Variants in NME5 observed in about 807,000 individuals in gnomAD.
The protein encoded by NME5 is NME/NM23 family member 5.
NME5 carries 18 observed loss-of-function variants against 21.6 expected under a neutral mutation model. The observed-to-expected ratio is 0.83, with a 90% CI of 0.58 to 1.24. The LOEUF (loss-of-function observed/expected upper bound fraction) is 1.24, where lower values mean the gene tolerates loss of function less well. Ranked by LOEUF, NME5 falls within the 50% of genes most tolerant of loss-of-function variation. NME5 has a pLI of 0.00. For missense variants in NME5, 223 were observed against 255.4 expected (o/e 0.87, Z 0.86); for synonymous variants, 70 against 80.6 (o/e 0.87, Z 0.71).
intron 2 of NME5, among the ~76,000 whole-genome samples, chr5:138,132,169 G>A (rs965973242): frequency 3.9e-5 from 6 of 152,150 alleles, no homozygotes; most frequent in African/African-American, 1.4e-4. Flanking sequence ...ACACCAGCCT[G>A]GGCCACACGC....
chr5:138,120,135 A>G (rs2151158576), intron 4 of NME5, among the ~76,000 whole-genome samples: 3 of 147,982 alleles, frequency 2.0e-5, no homozygotes, highest in Middle Eastern at 7.2e-3. Flanking sequence ...ACAGGGTGTC[A>G]CTCACGCTGG....
chr5:138,128,077 A>G (rs1404121566), intron 4 of NME5, among the ~76,000 whole-genome samples: 4 of 152,274 alleles, frequency 2.6e-5, no homozygotes, highest in South Asian at 2.1e-4. Context: ...TTAGCTGGGC[A>G]TGGTGGCATG....
intron 5 of NME5, among the ~76,000 whole-genome samples, chr5:138,117,853 TTC>T (rs1345931635): frequency 6.6e-6 from 1 of 151,498 alleles, no homozygotes; most frequent in African/African-American, 2.4e-5. Flanking sequence ...CGTGGTGGTG[TTC>T]GCCTGTAAAT....
intron 2 of NME5, among the ~76,000 whole-genome samples, chr5:138,133,139 C>T (rs1751611763): frequency 6.6e-6 from 1 of 150,462 alleles, no homozygotes; most frequent in African/African-American, 2.4e-5. Context: ...CTCACTCTGT[C>T]CTCCAGGCTT....
chr5:138,122,680 A>T (rs1051944269), intron 4 of NME5, among the ~76,000 whole-genome samples: 6 of 131,482 alleles, frequency 4.6e-5, no homozygotes, highest in African/African-American at 8.3e-5. Flanking sequence ...AATTTTTTTA[A>T]TTTTTTTTTT....
intron 2 of NME5, among the ~76,000 whole-genome samples, chr5:138,130,746 G>C (rs970025461): frequency 9.2e-5 from 14 of 151,552 alleles, no homozygotes; most frequent in Admixed American, 7.9e-4. Flanking sequence ...TGAACATGGT[G>C]AAATCTCGTC....
chr5:138,122,469 A>AAAAAAAAAAAAAAAAAAAT (rs1751308423), intron 4 of NME5, among the ~76,000 whole-genome samples: 2 of 132,048 alleles, frequency 1.5e-5, no homozygotes, highest in South Asian at 2.5e-4. Flanking sequence ...AAAAAAAAAA[A>AAAAAAAAAAAAAAAAAAAT]TTGTGCCTAA....
At chr5:138,137,223 C>A (rs541893910) in intron 2 of NME5, among the ~76,000 whole-genome samples, 1 of 152,152 alleles carries the variant, frequency 6.6e-6, no homozygotes, top group South Asian at 2.1e-4. Flanking sequence ...TACTTCCTAA[C>A]ACTTTCTTGT....
intron 2 of NME5, among the ~76,000 whole-genome samples, chr5:138,137,567 C>T (rs1386737751): frequency 7.3e-5 from 11 of 151,298 alleles, no homozygotes; most frequent in South Asian, 2.1e-4. Context: ...CCACCCATCT[C>T]GGCCTCCCAA....
chr5:138,122,358 T>A (rs1182889054), intron 4 of NME5, among the ~76,000 whole-genome samples: 1 of 147,368 alleles, frequency 6.8e-6, no homozygotes, highest in African/African-American at 2.5e-5. Context: ...GAGAATCGCT[T>A]GAACCCAGGA....
rs183452354 is a variant in NME5 at position 138,139,387 on chromosome 5, A to G, written c.-22T>C. 1 of 985,598 alleles carries G rather than the reference A, an allele frequency of 1.0e-6. No homozygotes were observed. 61.1% of individuals were successfully genotyped at this position (985,598 alleles called of 1,614,324 possible). Reference sequence around the variant, plus strand: ...AGTACTCACCTCAGCGGCCGTCCTCATATGGTACAACTTGTTGCTAGGAGA... The same window carrying G: ...AGTACTCACCTCAGCGGCCGTCCTCGTATGGTACAACTTGTTGCTAGGAGA... On this transcript the variant is annotated 5_prime_UTR_variant, in exon 1 of 6. It removes an upstream start codon present in the reference 5' UTR. Transcript: ENST00000265191.
At chr5:138,117,552 T>C (rs1380100878) in intron 5 of NME5, among the ~76,000 whole-genome samples, 1 of 152,096 alleles carries the variant, frequency 6.6e-6, no homozygotes, top group Non-Finnish European at 1.5e-5. Context: ...TCAATTTGAA[T>C]AGACATTTCT....
chr5:138,131,204 TAAAAAAAA>T (rs762579967), intron 2 of NME5, among the ~76,000 whole-genome samples: 3 of 80,874 alleles, frequency 3.7e-5, no homozygotes, highest in African/African-American at 1.9e-4. Flanking sequence ...CCGTCTCTGC[TAAAAAAAA>T]AAAAAAAAAA....
intron 4 of NME5, among the ~76,000 whole-genome samples, chr5:138,124,194 G>C (rs748291460): frequency 3.9e-4 from 59 of 150,984 alleles, no homozygotes; most frequent in Admixed American, 9.9e-4. Context: ...GTAGAGACAG[G>C]GCTTCACTTT....
Position 138,139,408 on chromosome 5 carries a change from G to A in NME5, c.-43C>T. Reference sequence around the variant, plus strand: ...CCTCATATGGTACAACTTGTTGCTAGGAGACCTGAAGCCCCAGCGTGGGGA... The same window carrying A: ...CCTCATATGGTACAACTTGTTGCTAAGAGACCTGAAGCCCCAGCGTGGGGA... On this transcript the variant is annotated 5_prime_UTR_variant, in exon 1 of 6. Coordinates refer to ENST00000265191, the MANE Select transcript of NME5 (RefSeq NM_003551.3). The A allele has an allele frequency of 4.1e-6, 4 of 985,628 alleles. No individual in the cohort carries two copies. The highest frequency in any genetic ancestry group is 4.8e-6 in the Non-Finnish European group (4 of 830,126). 61.1% of individuals were successfully genotyped at this position (985,628 alleles called of 1,614,324 possible).
intron 2 of NME5, among the ~76,000 whole-genome samples, chr5:138,136,590 A>T (rs1307563598): frequency 6.6e-6 from 1 of 151,794 alleles, no homozygotes; most frequent in Non-Finnish European, 1.5e-5. Context: ...GACTTTGCTT[A>T]TGGTGTTTAT....
chr5:138,135,388 G>A lies in NME5; in HGVS notation c.129+3264C>T, dbSNP rs1317977781. 2.0e-5 allele frequency among the ~76,000 whole-genome samples: 3 copies of A among 150,970 alleles called. No individual in the cohort carries two copies. In the East Asian group the frequency reaches 6.0e-4, roughly 30 times the overall value. Reference sequence around the variant, plus strand: ...CTCCCTCTGTCGCCCAGGCTGGAGTGCAATGGCACGATCTTGACTCACTGC... The same window carrying A: ...CTCCCTCTGTCGCCCAGGCTGGAGTACAATGGCACGATCTTGACTCACTGC... On this transcript the variant is annotated intron_variant, in intron 2 of 5. Coordinates refer to ENST00000265191, the MANE Select transcript of NME5 (RefSeq NM_003551.3).
intron 4 of NME5, among the ~76,000 whole-genome samples, chr5:138,120,290 GTGC>G (rs1751258307): frequency 7.2e-6 from 1 of 139,638 alleles, no homozygotes; most frequent in African/African-American, 2.7e-5. Flanking sequence ...CTGGAGTGCA[GTGC>G]CGCGATCTTG....
intron 4 of NME5, among the ~76,000 whole-genome samples, chr5:138,126,432 G>C (rs933191081): frequency 2.2e-4 from 31 of 143,370 alleles, no homozygotes; most frequent in African/African-American, 7.7e-4. Context: ...GATTACTTGA[G>C]TCTGCGTGGT....
Sources: gnomAD v4.1 joint callset for allele counts (sites outside exome capture counted in the v4.1 genomes callset) on GRCh38, gnomAD v4.1.1 for gene constraint, MANE v1.5 for transcripts, NCBI Gene and HGNC (gene_info 2026-07-23, HGNC 2026-07-21) for gene names.